Variants in DLGAP1 observed in about 807,000 individuals in gnomAD.
The protein encoded by DLGAP1 is DLG associated protein 1, also known as disks large-associated protein 1.
A neutral mutation model predicts 90.8 loss-of-function variants in DLGAP1; 11 were observed. That is an observed-to-expected ratio of 0.12 (90% confidence interval 0.08 to 0.20). The LOEUF is 0.20. Among genes scored for constraint, DLGAP1 ranks in the 10% least tolerant of loss-of-function variants. The probability of loss-of-function intolerance (pLI) is 1.00; values close to 1 mark genes in which losing one functional copy is unlikely to be tolerated. For synonymous variants in DLGAP1, 558 were observed against 540.7 expected (o/e 1.03, Z -0.44); for missense variants, 1,050 against 1,333.8 (o/e 0.79, Z 3.31).
intron 9 of DLGAP1, among the ~76,000 whole-genome samples, chr18:3,545,499 G>A (rs1047399650): frequency 1.1e-4 from 16 of 152,110 alleles, no homozygotes; most frequent in African/African-American, 3.9e-4. Context: ...GGAAGAGGTT[G>A]TAAGATTGAA....
chr18:4,027,504 A>C (rs1312935486), intron 2 of DLGAP1, among the ~76,000 whole-genome samples: 5 of 6,744 alleles, frequency 7.4e-4, no homozygotes, highest in African/African-American at 5.1e-3. Context: ...ACTCCGTCTC[A>C]AAAAAAAAAA....
intron 7 of DLGAP1, among the ~76,000 whole-genome samples, chr18:3,587,474 C>T (rs1422956455): frequency 2.0e-5 from 3 of 152,092 alleles, no homozygotes; most frequent in Admixed American, 6.6e-5. Flanking sequence ...GGATTGTAAA[C>T]GCACCAATCG....
chr18:4,076,627 A>AT (rs1394300658), intron 2 of DLGAP1, among the ~76,000 whole-genome samples: 1 of 151,578 alleles, frequency 6.6e-6, no homozygotes, highest in Non-Finnish European at 1.5e-5. Flanking sequence ...TAGTATTATT[A>AT]TTATTATTTT....
At chr18:4,355,603 G>A (rs2081492919) in intron 1 of DLGAP1, among the ~76,000 whole-genome samples, 1 of 152,042 alleles carries the variant, frequency 6.6e-6, no homozygotes, top group South Asian at 2.1e-4. Context: ...ATAAACAGAA[G>A]TGCATATGTA....
At chr18:4,085,728 T>C (rs2075672335) in intron 2 of DLGAP1, among the ~76,000 whole-genome samples, 1 of 152,226 alleles carries the variant, frequency 6.6e-6, no homozygotes, top group Non-Finnish European at 1.5e-5. Context: ...AAATGTATTT[T>C]TCCCCTTTAA....
At chr18:3,728,761 T>G (rs1407244894) in intron 7 of DLGAP1, among the ~76,000 whole-genome samples, 1 of 152,146 alleles carries the variant, frequency 6.6e-6, no homozygotes, top group Non-Finnish European at 1.5e-5. Flanking sequence ...AAGCAGGGTG[T>G]CTGGTCATTT....
At chr18:3,855,682 C>T (rs1283861962) in intron 4 of DLGAP1, among the ~76,000 whole-genome samples, 2 of 152,096 alleles carry the variant, frequency 1.3e-5, no homozygotes, top group Non-Finnish European at 2.9e-5. Context: ...GGCATGGTCT[C>T]GGCTCACTGC....
chr18:3,955,440 C>T (rs565525127), intron 3 of DLGAP1, among the ~76,000 whole-genome samples: 1 of 152,034 alleles, frequency 6.6e-6, no homozygotes, highest in Non-Finnish European at 1.5e-5. Context: ...GGCCGGGCGC[C>T]GTGGCTCATG....
chr18:4,377,150 G>A (rs181693164), intron 1 of DLGAP1, among the ~76,000 whole-genome samples: 3 of 152,056 alleles, frequency 2.0e-5, no homozygotes, highest in East Asian at 1.9e-4. Flanking sequence ...ACACATACAC[G>A]CTTGCACACA....
At chr18:3,657,295 G>T (rs537537489) in intron 7 of DLGAP1, among the ~76,000 whole-genome samples, 72 of 152,262 alleles carry the variant, frequency 4.7e-4, no homozygotes, top group African/African-American at 1.6e-3. Context: ...AATCAAATTG[G>T]TATCTGTATG....
At chr18:3,866,231 C>T (rs2070374680) in intron 4 of DLGAP1, among the ~76,000 whole-genome samples, 1 of 152,142 alleles carries the variant, frequency 6.6e-6, no homozygotes. Context: ...GCTGCTGCTG[C>T]TAATACAACT....
At chr18:3,601,948 G>C (rs554194116) in intron 7 of DLGAP1, among the ~76,000 whole-genome samples, 1 of 151,998 alleles carries the variant, frequency 6.6e-6, no homozygotes, top group African/African-American at 2.4e-5. Flanking sequence ...AGCGGAGATT[G>C]CAGTGAGTGG....
At chr18:4,132,797 T>C (rs2076336695) in intron 2 of DLGAP1, among the ~76,000 whole-genome samples, 2 of 152,302 alleles carry the variant, frequency 1.3e-5, no homozygotes, top group South Asian at 2.1e-4. Context: ...ATTTGCTGCG[T>C]GCCATACATG....
chr18:3,584,520 T>G (rs1234632729), intron 7 of DLGAP1, among the ~76,000 whole-genome samples: 1 of 152,212 alleles, frequency 6.6e-6, no homozygotes, highest in Admixed American at 6.5e-5. Context: ...AGTAATTTCC[T>G]TAACCATAAA....
chr18:3,895,108 C>T (rs909249316), intron 3 of DLGAP1, among the ~76,000 whole-genome samples: 9 of 152,228 alleles, frequency 5.9e-5, no homozygotes, highest in African/African-American at 1.9e-4. Flanking sequence ...TGCCTTTAAT[C>T]GTGCAGGTGC....
chr18:4,008,500 A>G (rs1390811210), intron 2 of DLGAP1, among the ~76,000 whole-genome samples: 3 of 152,036 alleles, frequency 2.0e-5, no homozygotes, highest in Non-Finnish European at 4.4e-5. Flanking sequence ...TCAGGCTACA[A>G]TTTTTTTTAA....
At chr18:4,243,866 G>T (rs1446337277) in intron 1 of DLGAP1, among the ~76,000 whole-genome samples, 1 of 152,038 alleles carries the variant, frequency 6.6e-6, no homozygotes, top group Admixed American at 6.6e-5. Flanking sequence ...ATGTCAAAAT[G>T]GCATTTAAAA....
At chr18:4,241,588 T>G (rs1190371439) in intron 1 of DLGAP1, among the ~76,000 whole-genome samples, 2 of 152,212 alleles carry the variant, frequency 1.3e-5, no homozygotes, top group East Asian at 3.8e-4. Flanking sequence ...AAATCTTAGT[T>G]ACATGGATGA....
chr18:4,377,764 T>C (rs1338032719), intron 1 of DLGAP1, among the ~76,000 whole-genome samples: 1 of 152,086 alleles, frequency 6.6e-6, no homozygotes, highest in Non-Finnish European at 1.5e-5. Flanking sequence ...AAATAGCTTA[T>C]CTCATACACT....
Sources: gnomAD v4.1 joint callset for allele counts (sites outside exome capture counted in the v4.1 genomes callset) on GRCh38, gnomAD v4.1.1 for gene constraint, MANE v1.5 for transcripts, NCBI Gene and HGNC (gene_info 2026-07-23, HGNC 2026-07-21) for gene names.